Variants in ZNF804B observed in about 807,000 individuals in gnomAD.
ZNF804B encodes zinc finger 804B.
A neutral mutation model predicts 101.4 loss-of-function variants in ZNF804B; 80 were observed. The ratio of observed to expected loss-of-function variants is 0.79; its 90% CI spans 0.66 to 0.95. The LOEUF is 0.95. Among genes scored for constraint, ZNF804B ranks in the 40% least tolerant of loss-of-function variants. ZNF804B has a pLI of 0.00. For synonymous variants in ZNF804B, 622 were observed against 558.8 expected, an observed-to-expected ratio of 1.11 and a Z score of -1.59; for missense variants, 1,673 against 1,561.9, an observed-to-expected ratio of 1.07 and a Z score of -1.20.
chr7:89,269,697 CT>C (rs1789853672), intron 2 of ZNF804B, among the ~76,000 whole-genome samples: 1 of 152,116 alleles, frequency 6.6e-6, no homozygotes, highest in African/African-American at 2.4e-5. Context: ...AAAAGTGTTC[CT>C]ATTTCTCCAC....
At chr7:88,893,433 G>A (rs913286601) in intron 1 of ZNF804B, among the ~76,000 whole-genome samples, 2 of 151,710 alleles carry the variant, frequency 1.3e-5, no homozygotes, top group African/African-American at 2.4e-5. Context: ...AAATATTGAT[G>A]TATGTATTTA....
At chr7:89,090,073 A>G (rs930060247) in intron 1 of ZNF804B, among the ~76,000 whole-genome samples, 4 of 152,092 alleles carry the variant, frequency 2.6e-5, no homozygotes, top group African/African-American at 9.7e-5. Flanking sequence ...AGCACAAAGG[A>G]TATTCTTAGT....
intron 1 of ZNF804B, among the ~76,000 whole-genome samples, chr7:88,863,250 T>C (rs1029172657): frequency 1.2e-4 from 19 of 152,212 alleles, no homozygotes; most frequent in African/African-American, 4.1e-4. Context: ...CTCGGCTTCC[T>C]TAATACTTAT....
At chr7:88,854,541 T>C (rs1322597121) in intron 1 of ZNF804B, among the ~76,000 whole-genome samples, 1 of 88,622 alleles carries the variant, frequency 1.1e-5, no homozygotes, top group East Asian at 4.9e-4. Context: ...CTTCCTTCCT[T>C]CCTTCCTTCC....
chr7:89,325,813 T>A (rs1226620444), intron 2 of ZNF804B, among the ~76,000 whole-genome samples: 2 of 151,990 alleles, frequency 1.3e-5, no homozygotes, highest in African/African-American at 4.8e-5. Context: ...TCTCCTTTTT[T>A]TCCAAAATAG....
intron 1 of ZNF804B, among the ~76,000 whole-genome samples, chr7:89,035,684 A>G (rs979981502): frequency 2.0e-5 from 3 of 151,674 alleles, no homozygotes; most frequent in African/African-American, 7.3e-5. Context: ...CTTAGATGGC[A>G]TGATCCTATT....
chr7:89,074,850 A>G (rs1789592290), intron 1 of ZNF804B, among the ~76,000 whole-genome samples: 1 of 152,186 alleles, frequency 6.6e-6, no homozygotes, highest in Non-Finnish European at 1.5e-5. Context: ...ATGAACAATA[A>G]CTTCCAGGCT....
intron 1 of ZNF804B, among the ~76,000 whole-genome samples, chr7:88,994,569 GATA>G (rs1295129855): frequency 6.6e-6 from 1 of 151,958 alleles, no homozygotes; most frequent in Non-Finnish European, 1.5e-5. Flanking sequence ...CTTCAACAAA[GATA>G]ATACTATTAT....
chr7:88,951,681 A>G (rs755228159), intron 1 of ZNF804B, among the ~76,000 whole-genome samples: 1 of 151,884 alleles, frequency 6.6e-6, no homozygotes, highest in Non-Finnish European at 1.5e-5. Context: ...AACTATATAT[A>G]CATGGACACA....
rs5885673 is a variant in ZNF804B at position 89,301,099 on chromosome 7, G to GTTT, written c.250-26224_250-26222dup. ...TCAGAGATTGGAATTTTTCAAGCGT[G>GTTT]TTTTTTTTTTTTTTTTTTTTTTTGG... On this transcript the variant is annotated intron_variant, in intron 2 of 3. Coordinates refer to ENST00000333190, the MANE Select transcript of ZNF804B (RefSeq NM_181646.5). Among the ~76,000 whole-genome samples, 605 of 77,176 alleles carry GTTT rather than the reference G, an allele frequency of 7.8e-3. 8 individuals carry two copies. The highest frequency in any genetic ancestry group is 0.012 in the African/African-American group (266 of 21,680). 50.6% of individuals were successfully genotyped at this position (77,176 alleles called of 152,430 possible). A position where few individuals can be genotyped will look rare whatever the true frequency, so the allele number is the denominator to read the frequency against.
At chr7:88,810,683 A>G (rs1790771719) in intron 1 of ZNF804B, among the ~76,000 whole-genome samples, 1 of 151,052 alleles carries the variant, frequency 6.6e-6, no homozygotes, top group South Asian at 2.1e-4. Context: ...AAAAAAAAGC[A>G]TAAAAAAGTA....
intron 1 of ZNF804B, among the ~76,000 whole-genome samples, chr7:88,983,725 T>C (rs771360490): frequency 6.6e-6 from 1 of 152,120 alleles, no homozygotes; most frequent in Non-Finnish European, 1.5e-5. Context: ...TACTTTTTAA[T>C]TTTTATAATC....
At chr7:89,057,893 G>T (rs781436372) in intron 1 of ZNF804B, among the ~76,000 whole-genome samples, 2 of 152,072 alleles carry the variant, frequency 1.3e-5, no homozygotes, top group Non-Finnish European at 2.9e-5. Flanking sequence ...AAATGCAGGG[G>T]TGGACAAAGA....
chr7:89,317,757 C>A (rs1790756002), intron 2 of ZNF804B, among the ~76,000 whole-genome samples: 1 of 152,218 alleles, frequency 6.6e-6, no homozygotes, highest in Non-Finnish European at 1.5e-5. Context: ...TGCCACAATT[C>A]TCCAGTATTA....
intron 1 of ZNF804B, among the ~76,000 whole-genome samples, chr7:89,171,350 T>C (rs150288644): frequency 0.22 from 24,723 of 111,726 alleles, 3,085 homozygotes; most frequent in Non-Finnish European, 0.24. Flanking sequence ...CTTCTTCTTC[T>C]TCTTCTTCCT....
intron 1 of ZNF804B, among the ~76,000 whole-genome samples, chr7:88,973,120 C>T (rs1053909417): frequency 6.6e-6 from 1 of 150,532 alleles, no homozygotes; most frequent in Non-Finnish European, 1.5e-5. Flanking sequence ...AAAATTCTGC[C>T]ACTCTCTACT....
At position 89,335,224 on chromosome 7, in the gene ZNF804B, C is replaced by A. The variant is rs115159731; in HGVS notation, c.2242C>A (p.His748Asn). ...NLLCFHKREHHSVERHKRKCL... is the reference protein window; with the variant it reads ...NLLCFHKREHNSVERHKRKCL... ...GCTCTGCTTCCATAAAAGAGAACAC[C>A]ACTCAGTTGAAAGGCACAAACGGAA... The change falls in exon 4 of 4, where the codon CAC (histidine) becomes AAC (asparagine). Residue 748 changes from histidine (H) to asparagine (N), a missense_variant. By Grantham distance (68) the His-to-Asn change is moderately conservative. Coordinates refer to ENST00000333190, the MANE Select transcript of ZNF804B (RefSeq NM_181646.5). The A allele has an allele frequency of 9.9e-6, 16 of 1,613,784 alleles. No homozygotes were observed. The South Asian group carries it at 1.8e-4, about 18-fold the overall frequency.
intron 1 of ZNF804B, among the ~76,000 whole-genome samples, chr7:88,812,514 A>G (rs1022795557): frequency 1.3e-5 from 2 of 152,208 alleles, no homozygotes; most frequent in African/African-American, 4.8e-5. Flanking sequence ...ACTTCTAGGT[A>G]TGTAGCCAAA....
At chr7:88,821,611 A>T (rs1310225592) in intron 1 of ZNF804B, among the ~76,000 whole-genome samples, 2 of 152,178 alleles carry the variant, frequency 1.3e-5, no homozygotes, top group South Asian at 4.1e-4. Flanking sequence ...CCTTATAACC[A>T]TCTCTCACAG....
Sources: gnomAD v4.1 joint callset for allele counts (sites outside exome capture counted in the v4.1 genomes callset) on GRCh38, gnomAD v4.1.1 for gene constraint, MANE v1.5 for transcripts, NCBI Gene and HGNC (gene_info 2026-07-23, HGNC 2026-07-21) for gene names.